Variants in HOXD3 observed in about 807,000 individuals in gnomAD.
The protein encoded by HOXD3 is homeobox protein Hox-D3.
HOXD3 carries 13 observed loss-of-function variants against 32.8 expected under a neutral mutation model. The ratio of observed to expected loss-of-function variants is 0.40; its 90% confidence interval spans 0.26 to 0.63. The LOEUF (loss-of-function observed/expected upper bound fraction) is 0.63. Among genes scored for constraint, HOXD3 ranks in the 20% least tolerant of loss-of-function variants. HOXD3 has a pLI of 0.44. For synonymous variants in HOXD3, 241 were observed against 246.8 expected, an observed-to-expected ratio of 0.98 and a Z score of 0.22; for missense variants, 504 against 577.1, an observed-to-expected ratio of 0.87 and a Z score of 1.30.
chr2:176,170,017 T>C (rs980859731), intron 3 of HOXD3, among the ~76,000 whole-genome samples: 6 of 152,198 alleles, frequency 3.9e-5, no homozygotes, highest in African/African-American at 1.4e-4. Flanking sequence ...TAGGTGATTA[T>C]ATAGCCCATA....
rs1191085411 is a variant in HOXD3, at chr2:176,172,388, C to A, written c.*114C>A. Reference sequence around the variant, plus strand: ...ACCCCCTTCCCCGCTCTTGCCCTGCCGCCGCCTCCCGGGTCTCAGGCCTCC... The same window carrying A: ...ACCCCCTTCCCCGCTCTTGCCCTGCAGCCGCCTCCCGGGTCTCAGGCCTCC... On this transcript the variant is annotated 3_prime_UTR_variant, in exon 4 of 4. Coordinates refer to ENST00000683222, the MANE Select transcript of HOXD3 (RefSeq NM_006898.5). 5.6e-6 allele frequency: 6 copies of A among 1,073,924 alleles called. No individual in the cohort carries two copies. The highest frequency in any genetic ancestry group is 6.5e-6 in the Non-Finnish European group (5 of 773,976). 66.5% of individuals were successfully genotyped at this position (1,073,924 alleles called of 1,614,324 possible).
intron 2 of HOXD3, among the ~76,000 whole-genome samples, chr2:176,167,145 G>A (rs1474458827): frequency 6.6e-6 from 1 of 152,162 alleles, no homozygotes; most frequent in Non-Finnish European, 1.5e-5. Flanking sequence ...GGAGAGAAGG[G>A]AAACCCCCAT....
intron 1 of HOXD3, among the ~76,000 whole-genome samples, chr2:176,157,836 C>T (rs1231404964): frequency 6.6e-6 from 1 of 152,134 alleles, no homozygotes; most frequent in Non-Finnish European, 1.5e-5. Context: ...GCCCGGCTGG[C>T]GGACGCGCCT....
intron 1 of HOXD3, among the ~76,000 whole-genome samples, chr2:176,161,943 G>A (rs1482387874): frequency 6.6e-6 from 1 of 152,218 alleles, no homozygotes; most frequent in Non-Finnish European, 1.5e-5. Flanking sequence ...GGGTCTTTCC[G>A]TGCCAGGGAT....
chr2:176,157,103 C>G (rs1354483114), upstream of HOXD3, among the ~76,000 whole-genome samples: 1 of 152,120 alleles, frequency 6.6e-6, no homozygotes, highest in Non-Finnish European at 1.5e-5. Flanking sequence ...GACGGCGCTT[C>G]CCGCCCGCCT....
chr2:176,159,261 T>C (rs1256154966), intron 1 of HOXD3, among the ~76,000 whole-genome samples: 1 of 152,032 alleles, frequency 6.6e-6, no homozygotes, highest in East Asian at 1.9e-4. Flanking sequence ...TCACCCACGA[T>C]CCGGCTTCGA....
In HOXD3 at chr2:176,172,112, C is replaced by G. The variant is rs146292581; in HGVS notation, c.1137C>G (p.Leu379=). 1.6e-4 allele frequency: 262 copies of G among 1,612,908 alleles called. No individual in the cohort carries two copies. The African/African-American group carries it at 2.5e-3, about 15-fold the overall frequency. ...ASGPVFNLGH[L]SHPSSASVDY... ...GGCCTGTCTTCAACCTGGGCCACCTCTCGCACCCGTCGTCGGCCAGCGTGG... is the reference window on the plus strand; with the variant it reads ...GGCCTGTCTTCAACCTGGGCCACCTGTCGCACCCGTCGTCGGCCAGCGTGG... The change falls in exon 4 of 4, where the codon CTC becomes CTG. Residue 379 remains leucine, a synonymous_variant. Coordinates refer to ENST00000683222, the MANE Select transcript of HOXD3 (RefSeq NM_006898.5).
Position 176,173,026 on chromosome 2 carries a change from C to T in HOXD3, c.*752C>T, listed in dbSNP as rs1254541759. 6.6e-6 allele frequency: 1 copy of T among 152,652 alleles called. No homozygotes were observed. The highest frequency in any genetic ancestry group is 1.5e-5 in the Non-Finnish European group (1 of 68,054). The allele number at this position is 152,652 out of a possible 1,614,324, so 9.5% of individuals were successfully genotyped here. On this transcript the variant is annotated 3_prime_UTR_variant, in exon 4 of 4. Coordinates refer to ENST00000683222, the MANE Select transcript of HOXD3 (RefSeq NM_006898.5). ...GTCATTTCTCAAAAACCACAGTCCTCACCACAGTTTATTGATTTCAAATTG... is the reference window on the plus strand; with the variant it reads ...GTCATTTCTCAAAAACCACAGTCCTTACCACAGTTTATTGATTTCAAATTG...
At chr2:176,171,468 G>A (rs771942414) in intron 3 of HOXD3, 49 bp from the exon 4 acceptor site, 2 of 1,512,070 alleles carry the variant, frequency 1.3e-6, no homozygotes, top group Non-Finnish European at 1.8e-6. Flanking sequence ...CAGTCCTGAG[G>A]GTCCCCACCC....
rs372005669 is a variant in HOXD3 at position 176,162,623 on chromosome 2, G to A, written c.-180-1450G>A. Among the ~76,000 whole-genome samples the A allele has an allele frequency of 5.3e-5, 8 of 152,258 alleles. No homozygotes were observed. In the East Asian group the frequency reaches 1.2e-3, roughly 22 times the overall value. On this transcript the variant is annotated intron_variant, in intron 1 of 3. Transcript: ENST00000683222. ...GGGAGAAGGTGCTGAAGGCTTTTCTGGTGGTCCAACTTTGGTTAACTTGGG... is the reference window on the plus strand; with the variant it reads ...GGGAGAAGGTGCTGAAGGCTTTTCTAGTGGTCCAACTTTGGTTAACTTGGG...
At chr2:176,156,517 G>A (rs1409502548), upstream of HOXD3, among the ~76,000 whole-genome samples, 5 of 152,148 alleles carry the variant, frequency 3.3e-5, no homozygotes, top group African/African-American at 1.2e-4. Flanking sequence ...CAGGGAGAGC[G>A]TGCTGGGTTC....
At position 176,171,803 on chromosome 2, in the gene HOXD3, C is replaced by T; in HGVS notation, c.828C>T (p.Ala276=). ...SPERSPPLGG[A]AGHVAYSGQL... is the part of the protein sequence containing the mutation. ...AGCGCAGCCCACCGCTCGGCGGCGCCGCTGGCCACGTGGCCTACTCCGGCC... is the reference window on the plus strand; with the variant it reads ...AGCGCAGCCCACCGCTCGGCGGCGCTGCTGGCCACGTGGCCTACTCCGGCC... Residue 276 remains alanine, a synonymous_variant, in exon 4 of 4, where the codon GCC becomes GCT. Coordinates refer to ENST00000683222, the MANE Select transcript of HOXD3 (RefSeq NM_006898.5). 1 of 1,612,384 alleles carries T rather than the reference C, an allele frequency of 6.2e-7. No individual in the cohort carries two copies. The highest frequency in any genetic ancestry group is 8.5e-7 in the Non-Finnish European group (1 of 1,179,308).
At chr2:176,153,663 T>G (rs1054847384), upstream of HOXD3, among the ~76,000 whole-genome samples, 2 of 151,456 alleles carry the variant, frequency 1.3e-5, no homozygotes, top group Admixed American at 6.6e-5. Context: ...ATATGTGCAC[T>G]TACTTCTGAA....
At chr2:176,167,800 A>G (rs1175933658) in intron 2 of HOXD3, among the ~76,000 whole-genome samples, 1 of 148,922 alleles carries the variant, frequency 6.7e-6, no homozygotes, top group African/African-American at 2.5e-5. Flanking sequence ...TGATTGATCC[A>G]CTTATTAATT....
intron 1 of HOXD3, among the ~76,000 whole-genome samples, chr2:176,162,875 T>A (rs911639989): frequency 6.6e-6 from 1 of 152,092 alleles, no homozygotes; most frequent in Admixed American, 6.5e-5. Context: ...AATAAATAAA[T>A]AAAAAATAAT....
intron 2 of HOXD3, among the ~76,000 whole-genome samples, 178 bp from the exon 3 acceptor site, chr2:176,168,853 A>C (rs554228185): frequency 1.3e-5 from 2 of 152,354 alleles, no homozygotes; most frequent in African/African-American, 4.8e-5. Context: ...CAGCCTGGGC[A>C]ACAAGCAAGA....
upstream of HOXD3, among the ~76,000 whole-genome samples, chr2:176,153,445 A>C (rs975311705): frequency 2.0e-5 from 3 of 152,178 alleles, no homozygotes; most frequent in African/African-American, 7.2e-5. Context: ...ATGGAATTTC[A>C]TGTGATTAAA....
At chr2:176,167,832 T>C (rs67508915) in intron 2 of HOXD3, among the ~76,000 whole-genome samples, 39,810 of 151,858 alleles carry the variant, frequency 0.26, 5,561 homozygotes, top group Non-Finnish European at 0.31. Flanking sequence ...CAAGCATTTA[T>C]TGCACTAACT....
intron 1 of HOXD3, among the ~76,000 whole-genome samples, chr2:176,163,378 G>C (rs1044176602): frequency 6.6e-6 from 1 of 151,890 alleles, no homozygotes; most frequent in Non-Finnish European, 1.5e-5. Context: ...TGACAGTGGT[G>C]GGGGAGCTTG....
Sources: allele counts gnomAD v4.1 joint callset (sites outside exome capture counted in the v4.1 genomes callset), GRCh38; gene constraint gnomAD v4.1.1; transcripts MANE v1.5; gene names NCBI Gene and HGNC (gene_info 2026-07-23, HGNC 2026-07-21).